CEP126: variants seen among roughly 807,000 people sequenced by gnomAD.
CEP126 encodes the protein centrosomal protein of 126 kDa.
CEP126 carries 74 observed loss-of-function variants against 107.8 expected under a neutral mutation model. That is an observed-to-expected ratio of 0.69 (90% CI 0.57 to 0.83). The LOEUF is 0.83. CEP126 is among the 40% of genes least tolerant of loss of function. CEP126 has a pLI of 0.00. For synonymous variants in CEP126, 449 were observed against 446.0 expected, an observed-to-expected ratio of 1.01 and a Z score of -0.08; for missense variants, 1,237 against 1,281.9, an observed-to-expected ratio of 0.96 and a Z score of 0.53.
intron 6 of CEP126, among the ~76,000 whole-genome samples, chr11:101,966,167 C>G (rs1336780909): frequency 2.0e-5 from 3 of 152,114 alleles, no homozygotes; most frequent in Non-Finnish European, 4.4e-5. Flanking sequence ...CTTAAATATT[C>G]ACACTGTTGT....
At chr11:101,993,579 A>G (rs572698900) in intron 10 of CEP126, among the ~76,000 whole-genome samples, 16 of 152,282 alleles carry the variant, frequency 1.1e-4, no homozygotes, top group South Asian at 4.1e-4. Flanking sequence ...CGATAATGGG[A>G]TTGCTGGGTT....
chr11:101,971,542 AG>A (rs1331510924), intron 6 of CEP126, among the ~76,000 whole-genome samples: 1 of 151,068 alleles, frequency 6.6e-6, no homozygotes, highest in Non-Finnish European at 1.5e-5. Flanking sequence ...GGGCGGGGGG[AG>A]GTGTTGCGTT....
intron 10 of CEP126, among the ~76,000 whole-genome samples, chr11:101,997,251 A>G (rs1319142920): frequency 6.6e-6 from 1 of 152,134 alleles, no homozygotes; most frequent in African/African-American, 2.4e-5. Context: ...TTGGCCAGGC[A>G]GGTCTCGAAC....
intron 8 of CEP126, among the ~76,000 whole-genome samples, chr11:101,985,637 A>G (rs1347028736): frequency 6.6e-6 from 1 of 152,166 alleles, no homozygotes; most frequent in Non-Finnish European, 1.5e-5. Flanking sequence ...GTGTATGCAA[A>G]TATCCAAAAT....
rs61742070 is a variant in CEP126, at chr11:101,958,339, C to G, written c.678C>G (p.Leu226=). The change falls in exon 5 of 11, where the codon CTC becomes CTG. Residue 226 remains leucine, a synonymous_variant. Transcript: ENST00000263468. ...AACTGGAGGAAACTCAGAAACTCCT[C>G]GAAGATCAACATCTAAGCAATTTGC... is the stretch of plus-strand genomic sequence containing the variant. ...QLKLEETQKL[L]EDQHLSNLQK... is the part of the protein sequence containing the mutation. The G allele has an allele frequency of 3.1e-6, 5 of 1,613,594 alleles. No homozygotes were observed. The highest frequency in any genetic ancestry group is 1.1e-5 in the South Asian group (1 of 91,060).
At chr11:101,956,854 T>C (rs79151963) in intron 4 of CEP126, 9,497 of 384,192 alleles carry the variant, frequency 0.025, 786 homozygotes, top group African/African-American at 0.18. Context: ...ATCCTCCTCA[T>C]TGGGGGAAGA....
At chr11:101,934,957 C>G (rs904899504) in intron 2 of CEP126, among the ~76,000 whole-genome samples, 11 of 151,914 alleles carry the variant, frequency 7.2e-5, no homozygotes, top group African/African-American at 2.4e-4. Context: ...GTATGTTTAA[C>G]CATATAAGAA....
intron 1 of CEP126, among the ~76,000 whole-genome samples, chr11:101,920,794 C>T (rs968238931): frequency 2.6e-5 from 4 of 151,828 alleles, no homozygotes; most frequent in Admixed American, 6.6e-5. Context: ...TTTGTAGAGC[C>T]GGGGTTTCAC....
chr11:101,962,308 G>A lies in CEP126; in HGVS notation c.1273G>A (p.Asp425Asn). The A allele has an allele frequency of 6.2e-7, 1 of 1,613,458 alleles. No homozygotes were observed. Among genetic ancestry groups the A allele is most frequent in the South Asian group, 1.1e-5 (1 of 90,950 alleles). The change falls in exon 6 of 11, where the codon GAT (aspartate) becomes AAT (asparagine). Residue 425 changes from aspartate (D) to asparagine (N), a missense_variant. By Grantham distance (23) the Asp-to-Asn change is conservative. Transcript: ENST00000263468. ...FKFSKSQSTS[D>N]SLTQEVATFP... ...ATTTAGCAAATCCCAAAGCACTTCA[G>A]ATTCTCTAACCCAGGAAGTGGCTAC...
At chr11:101,935,636 G>T (rs1052957964) in intron 2 of CEP126, among the ~76,000 whole-genome samples, 15 of 151,916 alleles carry the variant, frequency 9.9e-5, no homozygotes, top group African/African-American at 3.4e-4. Context: ...TCAATTGAGG[G>T]TCTACTTCTG....
At chr11:101,985,410 G>A (rs1045729118) in intron 8 of CEP126, among the ~76,000 whole-genome samples, 4 of 151,802 alleles carry the variant, frequency 2.6e-5, no homozygotes, top group Admixed American at 1.3e-4. Context: ...AGCCTCCCAA[G>A]TAGCTGGGAT....
intron 1 of CEP126, among the ~76,000 whole-genome samples, chr11:101,918,786 T>C (rs1054090475): frequency 6.6e-6 from 1 of 152,170 alleles, no homozygotes; most frequent in Non-Finnish European, 1.5e-5. Context: ...ACACTTATCA[T>C]GTACTCATGA....
rs1941463310 is a variant in CEP126 at position 101,998,044 on chromosome 11, C to A, written c.*401C>A. On this transcript the variant is annotated 3_prime_UTR_variant, in exon 11 of 11. Coordinates refer to ENST00000263468, the MANE Select transcript of CEP126 (RefSeq NM_020802.4). ...CTGTTTATTGAACCTCTTTATTAAACCTCTAACTTACTGATAAGATGTTTA... is the reference window on the plus strand; with the variant it reads ...CTGTTTATTGAACCTCTTTATTAAAACTCTAACTTACTGATAAGATGTTTA... The A allele has an allele frequency of 6.2e-6, 1 of 160,626 alleles. No homozygotes were observed. Among genetic ancestry groups the A allele is most frequent in the South Asian group, 1.9e-4 (1 of 5,204 alleles). 10.0% of individuals were successfully genotyped at this position (160,626 alleles called of 1,614,324 possible).
At chr11:101,930,868 A>G (rs1378618048) in intron 2 of CEP126, among the ~76,000 whole-genome samples, 1 of 152,198 alleles carries the variant, frequency 6.6e-6, no homozygotes, top group African/African-American at 2.4e-5. Context: ...ATCTGTAGAT[A>G]TGGAACTCAC....
At chr11:101,918,123 A>T (rs1156627529) in intron 1 of CEP126, among the ~76,000 whole-genome samples, 1 of 152,010 alleles carries the variant, frequency 6.6e-6, no homozygotes, top group Non-Finnish European at 1.5e-5. Context: ...AGGCTCACTG[A>T]TGGGATCTTA....
intron 10 of CEP126, among the ~76,000 whole-genome samples, chr11:101,997,184 C>T (rs1466910056): frequency 2.0e-5 from 3 of 152,206 alleles, no homozygotes; most frequent in South Asian, 2.1e-4. Context: ...ATTACAGGCA[C>T]GTGCCAGCAC....
intron 10 of CEP126, among the ~76,000 whole-genome samples, chr11:101,993,402 A>G (rs1480514744): frequency 2.0e-5 from 3 of 152,074 alleles, no homozygotes; most frequent in Admixed American, 6.5e-5. Context: ...GGTCTTTTTT[A>G]TGGCTGCATA....
intron 2 of CEP126, among the ~76,000 whole-genome samples, chr11:101,928,801 C>T (rs879529982): frequency 1.3e-5 from 2 of 152,170 alleles, no homozygotes; most frequent in Admixed American, 1.3e-4. Flanking sequence ...TATAATAAGT[C>T]TTCAAATCAT....
At chr11:101,931,007 TCTC>T (rs201913611) in intron 2 of CEP126, among the ~76,000 whole-genome samples, 2,468 of 152,270 alleles carry the variant, frequency 0.016, 32 homozygotes, top group Non-Finnish European at 0.025. Flanking sequence ...TGTTAGTATT[TCTC>T]CTTCTAGCAG....
Sources: gnomAD v4.1 joint callset for allele counts (sites outside exome capture counted in the v4.1 genomes callset) on GRCh38, gnomAD v4.1.1 for gene constraint, MANE v1.5 for transcripts, NCBI Gene and HGNC (gene_info 2026-07-23, HGNC 2026-07-21) for gene names.